Variants in SLA2 observed in about 807,000 individuals in gnomAD.
SLA2 encodes src-like-adapter 2.
In SLA2, 22 loss-of-function variants were observed where a neutral mutation model predicts 27.3. The observed-to-expected ratio is 0.81, with a 90% CI of 0.58 to 1.15. The LOEUF (loss-of-function observed/expected upper bound fraction) is 1.15. Ranked by LOEUF, SLA2 falls within the 50% of genes most tolerant of loss-of-function variation. SLA2 has a pLI of 0.00. For synonymous variants in SLA2, 131 were observed against 137.8 expected (o/e 0.95, Z 0.34); for missense variants, 304 against 322.2 (o/e 0.94, Z 0.43).
chr20:36,616,308 ATTT>A (rs1187898492), intron 5 of SLA2, among the ~76,000 whole-genome samples: 3 of 126,416 alleles, frequency 2.4e-5, no homozygotes, highest in South Asian at 2.6e-4. Context: ...TCATTTTTTC[ATTT>A]TTTTTTTTTA....
chr20:36,642,852 T>C (rs1391112519), intron 1 of SLA2, among the ~76,000 whole-genome samples: 1 of 152,152 alleles, frequency 6.6e-6, no homozygotes, highest in Non-Finnish European at 1.5e-5. Context: ...GCCAAAGTGC[T>C]GGGATTACAG....
At chr20:36,632,547 T>G (rs781544104) in intron 5 of SLA2, 48 bp downstream of exon 5, 1 of 1,464,286 alleles carries the variant, frequency 6.8e-7, no homozygotes. Context: ...GGCTCCTTTC[T>G]GAGACCTCCA....
At position 36,612,458 on chromosome 20, in the gene SLA2, T is replaced by C; in HGVS notation, c.*1408A>G. 1 of 575,314 alleles carries C rather than the reference T, an allele frequency of 1.7e-6. No individual in the cohort carries two copies. Among genetic ancestry groups the C allele is most frequent in the East Asian group, 3.0e-5 (1 of 33,578 alleles). 35.6% of individuals were successfully genotyped at this position (575,314 alleles called of 1,614,324 possible). A position where few individuals can be genotyped will look rare whatever the true frequency, so the allele number is the denominator to read the frequency against. On this transcript the variant is annotated 3_prime_UTR_variant, in exon 8 of 8. Transcript: ENST00000262866. Reference sequence around the variant, plus strand: ...CAAGTCTTCTGAAACAGCATGGCTGTATGTGCGTGGTCCATAGCACAGTAC... The same window carrying C: ...CAAGTCTTCTGAAACAGCATGGCTGCATGTGCGTGGTCCATAGCACAGTAC...
chr20:36,622,386 C>T (rs1464911398), intron 5 of SLA2, among the ~76,000 whole-genome samples: 1 of 148,228 alleles, frequency 6.7e-6, no homozygotes, highest in African/African-American at 2.5e-5. Flanking sequence ...TGAAAAACCA[C>T]GATCACCTGA....
At chr20:36,628,231 A>G (rs906068521) in intron 5 of SLA2, among the ~76,000 whole-genome samples, 6 of 152,194 alleles carry the variant, frequency 3.9e-5, no homozygotes. Flanking sequence ...CCACTGTTCT[A>G]TGACGTCACT....
At chr20:36,628,368 G>A (rs937470995) in intron 5 of SLA2, among the ~76,000 whole-genome samples, 6 of 152,168 alleles carry the variant, frequency 3.9e-5, no homozygotes, top group African/African-American at 1.4e-4. Flanking sequence ...CCATGGTCAT[G>A]TTCTCTGCTC....
chr20:36,614,849 C>T (rs781385820), intron 6 of SLA2: 28 of 985,382 alleles, frequency 2.8e-5, no homozygotes, highest in Non-Finnish European at 3.1e-5. Flanking sequence ...CTGCATCTTC[C>T]AGTGTCTGTT....
chr20:36,617,717 C>T (rs1452486639), intron 5 of SLA2, among the ~76,000 whole-genome samples: 4 of 149,822 alleles, frequency 2.7e-5, no homozygotes, highest in African/African-American at 4.9e-5. Context: ...ATTAGCCAGG[C>T]GTGGTGGCGT....
At chr20:36,643,191 A>G (rs1306720936) in intron 1 of SLA2, among the ~76,000 whole-genome samples, 1 of 152,222 alleles carries the variant, frequency 6.6e-6, no homozygotes, top group Non-Finnish European at 1.5e-5. Flanking sequence ...TCAGACAGGT[A>G]GGTGTCTTAT....
At chr20:36,627,735 G>A (rs1182967552) in intron 5 of SLA2, among the ~76,000 whole-genome samples, 1 of 152,178 alleles carries the variant, frequency 6.6e-6, no homozygotes, top group Non-Finnish European at 1.5e-5. Context: ...AAGATTTGGG[G>A]CCTGACTAGA....
intron 5 of SLA2, among the ~76,000 whole-genome samples, chr20:36,626,425 G>A (rs1430108109): frequency 2.6e-5 from 4 of 151,614 alleles, no homozygotes; most frequent in Admixed American, 6.6e-5. Flanking sequence ...TTCGCAGGGC[G>A]TGGAAGCATT....
In SLA2 at chr20:36,624,404, CTG is replaced by C. The variant is rs1380097481; in HGVS notation, c.382+8189_382+8190del. Among the ~76,000 whole-genome samples the C allele has an allele frequency of 7.2e-5, 11 of 152,310 alleles. No homozygotes were observed. The East Asian group carries it at 2.1e-3, about 29-fold the overall frequency. On this transcript the variant is annotated intron_variant, in intron 5 of 7. Transcript: ENST00000262866. ...GTACTCACACTCACACCCTGGCACT[CTG>C]TGTCCTCTGAACGCTGCTTTGTTTC...
intron 1 of SLA2, among the ~76,000 whole-genome samples, chr20:36,645,615 G>A (rs573145527): frequency 3.3e-4 from 51 of 152,302 alleles, no homozygotes; most frequent in Non-Finnish European, 4.7e-4. Flanking sequence ...ACGGAAGAGC[G>A]TAAGCTCCAA....
At chr20:36,634,673 C>G (rs1338520171) in intron 2 of SLA2, 84 bp from the exon 3 acceptor site, 1 of 823,510 alleles carries the variant, frequency 1.2e-6, no homozygotes, top group East Asian at 3.1e-5. Context: ...CTGGGTCTGG[C>G]TCCCAGCATC....
At chr20:36,619,220 GAAAAAAAAAAAAAA>G (rs60021707) in intron 5 of SLA2, among the ~76,000 whole-genome samples, 3,528 of 71,426 alleles carry the variant, frequency 0.049, 216 homozygotes, top group African/African-American at 0.16. Flanking sequence ...GACTCTGGGG[GAAAAAAAAAAAAAA>G]AAAAAAAAAG....
At chr20:36,636,554 GA>G (rs1205794218) in intron 2 of SLA2, among the ~76,000 whole-genome samples, 3 of 144,612 alleles carry the variant, frequency 2.1e-5, no homozygotes, top group Non-Finnish European at 3.0e-5. Context: ...GCGGTGAGCG[GA>G]GATCACATCA....
intron 5 of SLA2, among the ~76,000 whole-genome samples, chr20:36,617,764 G>A (rs1469545965): frequency 6.6e-6 from 1 of 151,750 alleles, no homozygotes; most frequent in Non-Finnish European, 1.5e-5. Context: ...GGCTGAGGCA[G>A]GAGACTCGCT....
intron 5 of SLA2, among the ~76,000 whole-genome samples, chr20:36,630,268 C>T (rs1343633855): frequency 6.6e-6 from 1 of 152,196 alleles, no homozygotes; most frequent in East Asian, 1.9e-4. Flanking sequence ...GGTGCTGATG[C>T]TGCCTAGAAA....
At chr20:36,614,742 A>T (rs2039187649) in intron 6 of SLA2, 1 of 985,270 alleles carries the variant, frequency 1.0e-6, no homozygotes, top group Non-Finnish European at 1.2e-6. Context: ...ACTTCTACTC[A>T]CTGTCTACTT....
Sources: allele counts gnomAD v4.1 joint callset (sites outside exome capture counted in the v4.1 genomes callset), GRCh38; gene constraint gnomAD v4.1.1; transcripts MANE v1.5; gene names NCBI Gene and HGNC (gene_info 2026-07-23, HGNC 2026-07-21).